TRPC3: variants seen among roughly 807,000 people sequenced by gnomAD.
TRPC3 encodes the protein transient receptor potential cation channel subfamily C member 3.
In TRPC3, 54 loss-of-function variants were observed where a neutral mutation model predicts 90.9. The observed-to-expected ratio is 0.59, with a 90% CI of 0.48 to 0.75. The LOEUF is 0.75. Among genes scored for constraint, TRPC3 ranks in the 30% least tolerant of loss-of-function variants. The pLI, the probability that TRPC3 is intolerant of heterozygous loss-of-function variation, is 0.00. For missense variants in TRPC3, 918 were observed against 1,194.5 expected (o/e 0.77, Z 3.41); for synonymous variants, 424 against 450.9 (o/e 0.94, Z 0.75).
chr4:121,916,135 T>C (rs953212166), intron 3 of TRPC3, among the ~76,000 whole-genome samples: 6 of 152,192 alleles, frequency 3.9e-5, no homozygotes, highest in African/African-American at 1.2e-4. Context: ...TCTTAGTAAC[T>C]CCAGGCAATT....
chr4:121,950,165 C>T (rs2149159679), intron 1 of TRPC3, among the ~76,000 whole-genome samples: 1 of 152,322 alleles, frequency 6.6e-6, no homozygotes, highest in Non-Finnish European at 1.5e-5. Context: ...CGGGATGCGT[C>T]GCTCATTTAA....
intron 2 of TRPC3, chr4:121,930,875 A>G: frequency 2.6e-6 from 1 of 379,676 alleles, no homozygotes; most frequent in South Asian, 2.0e-5. Context: ...CAAGTAAATA[A>G]ATCTTTTCAA....
intron 2 of TRPC3, chr4:121,930,753 T>C: frequency 2.9e-6 from 1 of 350,398 alleles, no homozygotes; most frequent in Non-Finnish European, 5.4e-6. Context: ...AACAAAGTGA[T>C]ATTTACAAGT....
chr4:121,948,626 T>A (rs554422651), intron 1 of TRPC3, among the ~76,000 whole-genome samples: 1 of 152,260 alleles, frequency 6.6e-6, no homozygotes, highest in South Asian at 2.1e-4. Context: ...ATCTCACTGC[T>A]CCCCTATACA....
chr4:121,906,211 C>T (rs1187661993), intron 7 of TRPC3, among the ~76,000 whole-genome samples: 1 of 152,076 alleles, frequency 6.6e-6, no homozygotes, highest in East Asian at 1.9e-4. Flanking sequence ...AGGAACTTAA[C>T]CAAAAGCCAC....
chr4:121,945,780 A>AG (rs142189568), intron 1 of TRPC3, among the ~76,000 whole-genome samples: 2 of 152,122 alleles, frequency 1.3e-5, no homozygotes, highest in Non-Finnish European at 1.5e-5. Context: ...TGGGGATACC[A>AG]GGGGGGCAGG....
intron 10 of TRPC3, 40 bp from the exon 11 acceptor site, chr4:121,882,469 A>G (rs1727976622): frequency 2.5e-6 from 4 of 1,578,312 alleles, no homozygotes; most frequent in African/African-American, 2.7e-5. Flanking sequence ...CCAATGATAT[A>G]CATAAGTGCC....
intron 9 of TRPC3, among the ~76,000 whole-genome samples, chr4:121,902,591 T>G (rs1326678234): frequency 6.6e-6 from 1 of 152,214 alleles, no homozygotes; most frequent in African/African-American, 2.4e-5. Context: ...TTCTGGTTAC[T>G]TTTAACAAGT....
chr4:121,924,872 T>TA (rs1729648336), intron 3 of TRPC3, 146 bp downstream of exon 3: 1 of 872,102 alleles, frequency 1.1e-6, no homozygotes, highest in Non-Finnish European at 1.6e-6. Flanking sequence ...TAATTTTGTT[T>TA]CTTTTTTGTA....
At chr4:121,914,688 G>C in intron 4 of TRPC3, 92 bp downstream of exon 4, 1 of 1,308,568 alleles carries the variant, frequency 7.6e-7, no homozygotes, top group African/African-American at 1.5e-5. Flanking sequence ...GGGTAAAACT[G>C]ATAAGATTCT....
intron 3 of TRPC3, 27 bp downstream of exon 3, chr4:121,924,991 G>T (rs1369216154): frequency 1.9e-6 from 3 of 1,587,606 alleles, no homozygotes; most frequent in Admixed American, 1.8e-5. Context: ...TTCTAATATG[G>T]CACTAGATGA....
chr4:121,929,964 C>T (rs1312011469), intron 2 of TRPC3, among the ~76,000 whole-genome samples: 1 of 152,004 alleles, frequency 6.6e-6, no homozygotes. Flanking sequence ...AGGTTACCTG[C>T]TTGTCTCAGA....
intron 10 of TRPC3, among the ~76,000 whole-genome samples, chr4:121,885,545 C>T (rs559954799): frequency 6.6e-5 from 10 of 152,150 alleles, no homozygotes; most frequent in African/African-American, 2.2e-4. Context: ...GTAAAAGAGA[C>T]AATACATGTA....
At chr4:121,884,991 G>GA (rs1316045241) in intron 10 of TRPC3, among the ~76,000 whole-genome samples, 1 of 152,130 alleles carries the variant, frequency 6.6e-6, no homozygotes, top group Non-Finnish European at 1.5e-5. Context: ...CCTATAAAAT[G>GA]AAAATACAAA....
chr4:121,908,567 G>A (rs891017862), intron 6 of TRPC3, among the ~76,000 whole-genome samples: 6 of 152,058 alleles, frequency 3.9e-5, no homozygotes, highest in African/African-American at 1.4e-4. Flanking sequence ...CAAAAATCAT[G>A]TCCTTTGCAG....
intron 6 of TRPC3, among the ~76,000 whole-genome samples, chr4:121,909,198 CTT>C (rs1030943153): frequency 7.9e-5 from 12 of 152,040 alleles, no homozygotes; most frequent in African/African-American, 2.9e-4. Context: ...ATATAAAAGT[CTT>C]TGCTTGCTGA....
Position 121,951,674 on chromosome 4 carries a change from T to A in TRPC3, c.7A>T (p.Thr3Ser). The change falls in exon 1 of 12, where the codon ACC becomes TCC. Residue 3 changes from threonine to serine, a missense_variant. Coordinates refer to ENST00000379645, the MANE Select transcript of TRPC3 (RefSeq NM_001130698.2). The surrounding 1 kb of genome is among the most constrained non-coding windows in gnomAD (Gnocchi z 4.4). MS[T>S]KVRKCKEQAR... ...TGTTCTTTGCACTTCCTGACCTTGGTGGACATCGCGCCGGCTGCGGTCCGA... is the reference window on the plus strand; with the variant it reads ...TGTTCTTTGCACTTCCTGACCTTGGAGGACATCGCGCCGGCTGCGGTCCGA... The A allele has an allele frequency of 7.5e-7, 1 of 1,330,674 alleles. No individual in the cohort carries two copies. The highest frequency in any genetic ancestry group is 9.7e-7 in the Non-Finnish European group (1 of 1,031,282). The allele number at this position is 1,330,674 out of a possible 1,614,324, so 82.4% of individuals were successfully genotyped here.
At chr4:121,947,276 G>C (rs1254621908) in intron 1 of TRPC3, among the ~76,000 whole-genome samples, 1 of 149,750 alleles carries the variant, frequency 6.7e-6, no homozygotes, top group Non-Finnish European at 1.5e-5. Flanking sequence ...TAACTGTAAA[G>C]AAAGCCGCCT....
intron 10 of TRPC3, among the ~76,000 whole-genome samples, chr4:121,889,780 T>C (rs1253649315): frequency 1.3e-5 from 2 of 152,040 alleles, no homozygotes; most frequent in Admixed American, 6.6e-5. Context: ...AAATTAAAAA[T>C]AGAACTACCA....
Sources: allele counts gnomAD v4.1 joint callset (sites outside exome capture counted in the v4.1 genomes callset), GRCh38; gene constraint gnomAD v4.1.1; non-coding constraint Gnocchi (gnomAD v3.1); transcripts MANE v1.5; gene names NCBI Gene and HGNC (gene_info 2026-07-23, HGNC 2026-07-21).